BOK: variants seen among roughly 807,000 people sequenced by gnomAD.
BOK encodes bcl-2-related ovarian killer protein.
A neutral mutation model predicts 18.3 loss-of-function variants in BOK; 20 were observed. The observed-to-expected ratio is 1.09, with a 90% CI of 0.77 to 1.59. BOK has a LOEUF of 1.59. BOK is among the 40% of genes most tolerant of loss of function. The probability of loss-of-function intolerance (pLI) is 0.00; values close to 1 mark genes in which losing one functional copy is unlikely to be tolerated. For missense variants in BOK, 348 were observed against 307.9 expected, an observed-to-expected ratio of 1.13 and a Z score of -0.97; for synonymous variants, 173 against 142.4, an observed-to-expected ratio of 1.21 and a Z score of -1.53.
intron 2 of BOK, among the ~76,000 whole-genome samples, chr2:241,561,876 A>G (rs531915052): frequency 6.6e-5 from 10 of 152,224 alleles, no homozygotes; most frequent in South Asian, 2.1e-4. Flanking sequence ...TCTCACCCCA[A>G]TGCTTTCTCT....
chr2:241,570,364 G>A, intron 4 of BOK, 76 bp downstream of exon 4: 1 of 1,434,512 alleles, frequency 7.0e-7, no homozygotes, highest in Non-Finnish European at 9.2e-7. Flanking sequence ...AGTGGTGGAT[G>A]GGTGAGCCTC....
upstream of BOK, among the ~76,000 whole-genome samples, chr2:241,554,752 C>A (rs2066438245): frequency 6.6e-6 from 1 of 152,236 alleles, no homozygotes; most frequent in Non-Finnish European, 1.5e-5. Context: ...CACAGGGGAG[C>A]ACAGATGGAA....
upstream of BOK, among the ~76,000 whole-genome samples, chr2:241,557,869 G>A (rs2066465612): frequency 6.6e-6 from 1 of 152,108 alleles, no homozygotes; most frequent in Non-Finnish European, 1.5e-5. Flanking sequence ...GTTGAGATTT[G>A]CTGAGACTTG....
chr2:241,551,933 G>A (rs1265532103), intron 1 of BOK, among the ~76,000 whole-genome samples: 1 of 152,196 alleles, frequency 6.6e-6, no homozygotes, highest in Non-Finnish European at 1.5e-5. Flanking sequence ...GTGGGGTGGG[G>A]GGCGTTCTCT....
At chr2:241,565,131 T>G (rs560149084) in intron 3 of BOK, among the ~76,000 whole-genome samples, 64 of 152,070 alleles carry the variant, frequency 4.2e-4, no homozygotes, top group African/African-American at 1.4e-3. Flanking sequence ...AGAGTTCAGT[T>G]TAAGTCTTGT....
Position 241,562,279 on chromosome 2 carries a change from C to T in BOK, c.221-69C>T. 1 of 1,529,754 alleles carries T rather than the reference C, an allele frequency of 6.5e-7. No homozygotes were observed. Among genetic ancestry groups the T allele is most frequent in the Non-Finnish European group, 8.8e-7 (1 of 1,139,220 alleles). The allele number at this position is 1,529,754 out of a possible 1,614,324, so 94.8% of individuals were successfully genotyped here. A position where few individuals can be genotyped will look rare whatever the true frequency, so the allele number is the denominator to read the frequency against. On this transcript the variant is annotated intron_variant, in intron 2 of 4. Coordinates refer to ENST00000318407, the MANE Select transcript of BOK (RefSeq NM_032515.5). The surrounding 1 kb of genome is among the most constrained non-coding windows in gnomAD (Gnocchi z 4.5). ...AGGTGGGGGTCAGGTGCAGGGTGTG[C>T]CCCAAGCCAGTCGTGTCCCAGGAAG...
chr2:241,571,532 GA>G (rs2066720369), intron 4 of BOK, among the ~76,000 whole-genome samples: 1 of 152,176 alleles, frequency 6.6e-6, no homozygotes, highest in Non-Finnish European at 1.5e-5. Context: ...TGGGGGTGCA[GA>G]GGGCAATGTC....
upstream of BOK, among the ~76,000 whole-genome samples, chr2:241,553,835 A>C (rs1397534341): frequency 1.3e-5 from 2 of 152,164 alleles, no homozygotes; most frequent in Non-Finnish European, 2.9e-5. Context: ...AACGGGGTAG[A>C]GTGGCCTCTA....
At chr2:241,556,924 A>AAT (rs2066456754), upstream of BOK, among the ~76,000 whole-genome samples, 1 of 152,214 alleles carries the variant, frequency 6.6e-6, no homozygotes, top group Admixed American at 6.5e-5. Context: ...TAATTGGTGT[A>AAT]GGACTATCCA....
At chr2:241,557,030 C>T (rs868826810), upstream of BOK, among the ~76,000 whole-genome samples, 5 of 152,078 alleles carry the variant, frequency 3.3e-5, no homozygotes, top group Admixed American at 6.5e-5. Flanking sequence ...ATCTTTTTAT[C>T]CCTTTAATGC....
At chr2:241,566,517 G>A (rs538484940) in intron 3 of BOK, among the ~76,000 whole-genome samples, 28 of 151,974 alleles carry the variant, frequency 1.8e-4, no homozygotes, top group Admixed American at 3.9e-4. Flanking sequence ...GTTTCACCAT[G>A]TCAACCAGGC....
At chr2:241,569,233 G>A (rs1484087789) in intron 3 of BOK, among the ~76,000 whole-genome samples, 2 of 152,246 alleles carry the variant, frequency 1.3e-5, no homozygotes, top group East Asian at 1.9e-4. Context: ...CCGGGTTCAA[G>A]TGATTCTCCT....
upstream of BOK, among the ~76,000 whole-genome samples, chr2:241,554,146 A>G (rs527761324): frequency 8.5e-4 from 129 of 152,356 alleles, 1 homozygote; most frequent in African/African-American, 3.0e-3. Flanking sequence ...AGGCCACAGC[A>G]GCCTTCCAGG....
upstream of BOK, among the ~76,000 whole-genome samples, chr2:241,556,584 A>AG (rs1270947107): frequency 6.7e-6 from 1 of 149,858 alleles, no homozygotes; most frequent in Non-Finnish European, 1.5e-5. Context: ...TCCGTCTCAA[A>AG]AAAAAAAAAA....
intron 3 of BOK, among the ~76,000 whole-genome samples, chr2:241,566,197 T>C (rs2066608584): frequency 6.6e-6 from 1 of 151,962 alleles, no homozygotes. Flanking sequence ...GACAGGAGAA[T>C]CGCTTGAACC....
chr2:241,569,945 C>G (rs1178150115), intron 3 of BOK, among the ~76,000 whole-genome samples, 180 bp from the exon 4 acceptor site: 1 of 152,200 alleles, frequency 6.6e-6, no homozygotes, highest in African/African-American at 2.4e-5. Flanking sequence ...GGCCGAGAAA[C>G]CTGCCTGCCC....
rs1344411490 is a variant in BOK, at chr2:241,559,646, C to G, written c.163C>G (p.Arg55Gly). The change falls in exon 2 of 5, where the codon CGT becomes GGT. Residue 55 changes from arginine (R) to glycine (G), a missense_variant. Transcript: ENST00000318407. The part of the protein sequence containing the change: ...RAGLSWSAPE[R>G]AAPVPGRLAE... ...CGGCCTCTCCTGGAGCGCGCCCGAGCGTGCCGCGCCGGTCCCGGGACGCCT... is the reference window on the plus strand; with the variant it reads ...CGGCCTCTCCTGGAGCGCGCCCGAGGGTGCCGCGCCGGTCCCGGGACGCCT... 4 of 1,394,934 alleles carry G rather than the reference C, an allele frequency of 2.9e-6. No individual in the cohort carries two copies. The East Asian group carries it at 1.2e-4, about 42-fold the overall frequency. 86.4% of individuals were successfully genotyped at this position (1,394,934 alleles called of 1,614,324 possible). A position where few individuals can be genotyped will look rare whatever the true frequency, so the allele number is the denominator to read the frequency against.
chr2:241,570,435 C>T (rs71351109), intron 4 of BOK, 147 bp downstream of exon 4: 27 of 31,880 alleles, frequency 8.5e-4, no homozygotes, highest in East Asian at 3.9e-3. Context: ...GAGGGAGTGG[C>T]GGATGGGTGA....
At chr2:241,571,996 G>C (rs1180324762) in intron 4 of BOK, among the ~76,000 whole-genome samples, 1 of 152,190 alleles carries the variant, frequency 6.6e-6, no homozygotes, top group African/African-American at 2.4e-5. Flanking sequence ...GAGCCCCAGC[G>C]AGGGCCATGA....
Sources: allele counts gnomAD v4.1 joint callset (sites outside exome capture counted in the v4.1 genomes callset), GRCh38; gene constraint gnomAD v4.1.1; non-coding constraint Gnocchi (gnomAD v3.1); transcripts MANE v1.5; gene names NCBI Gene and HGNC (gene_info 2026-07-23, HGNC 2026-07-21).